The following PLCE1 variants were observed in gnomAD, a reference collection of about 807,000 sequenced individuals.
The protein encoded by PLCE1 is phospholipase C epsilon 1.
In PLCE1, 119 loss-of-function variants were observed where a neutral mutation model predicts 242.8. The observed-to-expected ratio is 0.49, with a 90% CI of 0.42 to 0.57. PLCE1 has a LOEUF of 0.57. Among genes scored for constraint, PLCE1 ranks in the 20% least tolerant of loss-of-function variants. The pLI, the probability that PLCE1 is intolerant of heterozygous loss-of-function variation, is 0.00. For synonymous variants in PLCE1, 945 were observed against 1,017.4 expected (o/e 0.93, Z 1.35); for missense variants, 2,441 against 2,788.8 (o/e 0.88, Z 2.81).
At position 94,328,894 on chromosome 10, in the gene PLCE1, T is replaced by A. The variant is rs1307388806; in HGVS notation, c.*951T>A. Reference sequence around the variant, plus strand: ...TTCAAAATGAATTTAGAATGACGTATAATTTAATATCTACTGAATTGCAAT... The same window carrying A: ...TTCAAAATGAATTTAGAATGACGTAAAATTTAATATCTACTGAATTGCAAT... On this transcript the variant is annotated 3_prime_UTR_variant, in exon 33 of 33. Coordinates refer to ENST00000371380, the MANE Select transcript of PLCE1 (RefSeq NM_016341.4). 6.6e-6 allele frequency: 1 copy of A among 152,212 alleles called. No individual in the cohort carries two copies. Among genetic ancestry groups the A allele is most frequent in the African/African-American group, 2.4e-5 (1 of 41,454 alleles). The allele number at this position is 152,212 out of a possible 1,614,324, so 9.4% of individuals were successfully genotyped here.
chr10:94,246,420 G>A lies in PLCE1; in HGVS notation c.2895G>A (p.Met965Ile), dbSNP rs1178702807. 6.2e-7 allele frequency: 1 copy of A among 1,614,094 alleles called. No homozygotes were observed. The highest frequency in any genetic ancestry group is 1.7e-5 in the Admixed American group (1 of 60,012). The stretch of plus-strand genomic sequence containing the variant: ...GTGTTCAGAACAAACTGGGTAGCAT[G>A]TTCCTGTCAGAGACTGGTGTGACAT... ...TVCVQNKLGS[M>I]FLSETGVTLL... is the part of the protein sequence containing the mutation. Residue 965 changes from methionine (M) to isoleucine (I), a missense_variant, in exon 8 of 33, where the codon ATG (methionine) becomes ATA (isoleucine). Met to Ile is a conservative substitution (Grantham distance 10). Around this residue, in one of 5 missense-constraint regions of PLCE1, gnomAD observed 1,004 missense variants for 1,322.7 expected, o/e 0.76. Coordinates refer to ENST00000371380, the MANE Select transcript of PLCE1 (RefSeq NM_016341.4).
chr10:94,003,976 G>A (rs1442385253), intron 1 of PLCE1, among the ~76,000 whole-genome samples: 1 of 151,968 alleles, frequency 6.6e-6, no homozygotes, highest in Non-Finnish European at 1.5e-5. Context: ...TGAAACCCCC[G>A]TCTCTACTAA....
rs200141684 is a variant in PLCE1, at chr10:94,258,810, A to G, written c.3565A>G (p.Ser1189Gly). 340 of 1,614,088 alleles carry G rather than the reference A, an allele frequency of 2.1e-4. 2 individuals are homozygous for G. In the South Asian group the frequency reaches 3.4e-3, roughly 16 times the overall value. ...SNKSPSSAWS[S>G]SSWHGRIKGG... ...TTGTCTTTGTTGCAGTGCTTGGAGCAGTAGTAGCTGGCACGGGCGGATCAA... is the reference window on the plus strand; with the variant it reads ...TTGTCTTTGTTGCAGTGCTTGGAGCGGTAGTAGCTGGCACGGGCGGATCAA... Residue 1189 changes from serine to glycine, a missense_variant, in exon 12 of 33, where the codon AGT becomes GGT. Around this residue, in one of 5 missense-constraint regions of PLCE1, gnomAD observed 1,004 missense variants for 1,322.7 expected, o/e 0.76. Coordinates refer to ENST00000371380, the MANE Select transcript of PLCE1 (RefSeq NM_016341.4).
At chr10:94,045,667 T>A (rs2061866885) in intron 2 of PLCE1, among the ~76,000 whole-genome samples, 2 of 152,252 alleles carry the variant, frequency 1.3e-5, no homozygotes, top group Admixed American at 1.3e-4. Flanking sequence ...GTTGGCAGAT[T>A]CTGAACCCTA....
chr10:94,109,690 A>G (rs147248812), intron 2 of PLCE1, among the ~76,000 whole-genome samples: 1 of 152,358 alleles, frequency 6.6e-6, no homozygotes, highest in East Asian at 1.9e-4. Flanking sequence ...CATTAGGCTT[A>G]TAAGAAAGGT....
intron 4 of PLCE1, among the ~76,000 whole-genome samples, chr10:94,215,604 T>C (rs2049492846): frequency 6.6e-6 from 1 of 152,132 alleles, no homozygotes; most frequent in South Asian, 2.1e-4. Context: ...GGAAACAGGA[T>C]GGGCTTTGGG....
intron 2 of PLCE1, among the ~76,000 whole-genome samples, chr10:94,061,043 C>T (rs1041404668): frequency 2.6e-5 from 4 of 152,188 alleles, no homozygotes; most frequent in Admixed American, 6.5e-5. Flanking sequence ...TCTTAGTCTC[C>T]GTACTGAGAC....
chr10:94,083,552 A>T (rs1014282043), intron 2 of PLCE1, among the ~76,000 whole-genome samples: 2 of 152,184 alleles, frequency 1.3e-5, no homozygotes, highest in East Asian at 1.9e-4. Context: ...GCACCCAGAC[A>T]TCCATTTGCC....
chr10:94,153,060 T>A (rs1175136842), intron 3 of PLCE1, among the ~76,000 whole-genome samples: 4 of 152,164 alleles, frequency 2.6e-5, no homozygotes, highest in Non-Finnish European at 2.9e-5. Context: ...ACATAATTTT[T>A]AAAAATATCA....
intron 2 of PLCE1, among the ~76,000 whole-genome samples, chr10:94,063,358 G>T (rs1300329342): frequency 6.6e-6 from 1 of 152,142 alleles, no homozygotes; most frequent in African/African-American, 2.4e-5. Context: ...ACTCTCATGG[G>T]ATGTTCATGT....
rs1040808568 is a variant in PLCE1 at position 94,030,754 on chromosome 10, A to G, written c.-293A>G. 20 of 419,780 alleles carry G rather than the reference A, an allele frequency of 4.8e-5. No homozygotes were observed. Among genetic ancestry groups the G allele is most frequent in the Admixed American group, 4.0e-5 (1 of 25,298 alleles). The allele number at this position is 419,780 out of a possible 1,614,324, so 26.0% of individuals were successfully genotyped here. On this transcript the variant is annotated 5_prime_UTR_variant, in exon 2 of 33. Transcript: ENST00000371380. The stretch of plus-strand genomic sequence containing the variant: ...TGATGGATCAGAAGTTGCAGAGTGC[A>G]ATCCCGAGTAAAAGTCTTCAAAAAA...
At chr10:94,244,746 A>G (rs1392273066) in intron 7 of PLCE1, among the ~76,000 whole-genome samples, 1 of 152,068 alleles carries the variant, frequency 6.6e-6, no homozygotes, top group Non-Finnish European at 1.5e-5. Context: ...TCTATTGCCC[A>G]GGCTGGAGTT....
intron 1 of PLCE1, among the ~76,000 whole-genome samples, chr10:94,014,960 G>T (rs2061251151): frequency 6.6e-6 from 1 of 152,226 alleles, no homozygotes; most frequent in Non-Finnish European, 1.5e-5. Flanking sequence ...AAGTGAGGAA[G>T]ACTATTAGCC....
chr10:94,249,374 G>C (rs1048687164), intron 8 of PLCE1, among the ~76,000 whole-genome samples: 2 of 151,908 alleles, frequency 1.3e-5, no homozygotes, highest in African/African-American at 2.4e-5. Context: ...AGCTGTATTG[G>C]TGATTTATAA....
chr10:94,173,636 C>G (rs990177552), intron 4 of PLCE1, among the ~76,000 whole-genome samples: 4 of 152,146 alleles, frequency 2.6e-5, no homozygotes, highest in African/African-American at 9.7e-5. Context: ...ACTTCCATAA[C>G]CTTGGGAATC....
rs1273393849 is a variant in PLCE1, at chr10:94,162,845, G to T, written c.1493-8335G>T. 5.3e-5 allele frequency among the ~76,000 whole-genome samples: 8 copies of T among 152,196 alleles called. No individual in the cohort carries two copies. The East Asian group carries it at 1.5e-3, about 29-fold the overall frequency. Reference sequence around the variant, plus strand: ...GCTTTAAATGTGTCCCAGAGATTCTGGTATGTTGTGTCTTTGTTCTCATTG... The same window carrying T: ...GCTTTAAATGTGTCCCAGAGATTCTTGTATGTTGTGTCTTTGTTCTCATTG... On this transcript the variant is annotated intron_variant, in intron 3 of 32. Coordinates refer to ENST00000371380, the MANE Select transcript of PLCE1 (RefSeq NM_016341.4).
chr10:94,115,170 T>C (rs1418834935), intron 2 of PLCE1, among the ~76,000 whole-genome samples: 1 of 152,210 alleles, frequency 6.6e-6, no homozygotes, highest in Non-Finnish European at 1.5e-5. Flanking sequence ...TCTATCATTG[T>C]TGGACATTTG....
intron 4 of PLCE1, among the ~76,000 whole-genome samples, chr10:94,194,567 G>A (rs1429670774): frequency 2.0e-5 from 3 of 152,192 alleles, no homozygotes; most frequent in Non-Finnish European, 4.4e-5. Context: ...TGTTCACTTA[G>A]TGCACAAGAC....
At chr10:94,302,180 G>A (rs142405422) in intron 24 of PLCE1, among the ~76,000 whole-genome samples, 14 of 152,266 alleles carry the variant, frequency 9.2e-5, no homozygotes, top group Non-Finnish European at 1.2e-4. Context: ...ATTTCAAACC[G>A]TGCGGCTCTA....
Sources: allele counts gnomAD v4.1 joint callset (sites outside exome capture counted in the v4.1 genomes callset), GRCh38; gene constraint gnomAD v4.1.1; regional missense constraint gnomAD v4.1.1; transcripts MANE v1.5; gene names NCBI Gene and HGNC (gene_info 2026-07-23, HGNC 2026-07-21).